RHOBTB3: variants seen among roughly 807,000 people sequenced by gnomAD.
The protein encoded by RHOBTB3 is rho-related BTB domain-containing protein 3.
A neutral mutation model predicts 67.2 loss-of-function variants in RHOBTB3; 47 were observed. The observed-to-expected ratio is 0.70, with a 90% confidence interval of 0.55 to 0.89. RHOBTB3 has a LOEUF of 0.89. Ranked by LOEUF, RHOBTB3 falls within the 40% of genes least tolerant of loss-of-function variation. RHOBTB3 has a pLI of 0.00. For synonymous variants in RHOBTB3, 273 were observed against 274.2 expected, an observed-to-expected ratio of 1.00 and a Z score of 0.04; for missense variants, 631 against 750.0, an observed-to-expected ratio of 0.84 and a Z score of 1.85.
intron 7 of RHOBTB3, among the ~76,000 whole-genome samples, chr5:95,765,571 T>C (rs1745518805): frequency 6.6e-6 from 1 of 152,252 alleles, no homozygotes; most frequent in African/African-American, 2.4e-5. Flanking sequence ...AAATCATCTC[T>C]GTGGCTTTGA....
At chr5:95,753,233 A>ATG (rs57615515) in intron 5 of RHOBTB3, among the ~76,000 whole-genome samples, 9,688 of 146,492 alleles carry the variant, frequency 0.066, 518 homozygotes, top group African/African-American at 0.14. Context: ...TGATGTGTGG[A>ATG]TGTGTGTGTG....
intron 6 of RHOBTB3, chr5:95,756,085 A>G: frequency 4.4e-6 from 1 of 225,968 alleles, no homozygotes; most frequent in Non-Finnish European, 8.7e-6. Context: ...TTGTGTAACT[A>G]TCACCACCAT....
chr5:95,776,805 C>T (rs962555283), intron 8 of RHOBTB3, among the ~76,000 whole-genome samples: 21 of 152,132 alleles, frequency 1.4e-4, no homozygotes, highest in African/African-American at 4.6e-4. Context: ...GATGTGGTCA[C>T]GGGGGTTGAG....
At chr5:95,771,425 A>G (rs1008151941) in intron 8 of RHOBTB3, among the ~76,000 whole-genome samples, 2 of 152,230 alleles carry the variant, frequency 1.3e-5, no homozygotes, top group African/African-American at 4.8e-5. Flanking sequence ...AAACTTTCCA[A>G]TGTACCTTCC....
chr5:95,743,199 G>A lies in RHOBTB3; in HGVS notation c.416-5134G>A, dbSNP rs778182644. 2.0e-5 allele frequency among the ~76,000 whole-genome samples: 3 copies of A among 152,192 alleles called. No individual in the cohort carries two copies. In the South Asian group the frequency reaches 6.2e-4, roughly 32 times the overall value. ...CATTATAAGTCGTTCTACTTGATGA[G>A]ATTTTATTTTATGGTATGGATACTT... On this transcript the variant is annotated intron_variant, in intron 3 of 11. Coordinates refer to ENST00000379982, the MANE Select transcript of RHOBTB3 (RefSeq NM_014899.4).
At chr5:95,720,957 T>C (rs1395906573) in intron 1 of RHOBTB3, among the ~76,000 whole-genome samples, 1 of 152,260 alleles carries the variant, frequency 6.6e-6, no homozygotes, top group African/African-American at 2.4e-5. Context: ...TAATGGGTTC[T>C]TCTTATGATT....
At chr5:95,753,771 AG>A (rs1423907782) in intron 5 of RHOBTB3, among the ~76,000 whole-genome samples, 17 of 152,218 alleles carry the variant, frequency 1.1e-4, no homozygotes, top group African/African-American at 3.9e-4. Flanking sequence ...AAAATATACC[AG>A]ATCCTCAGAG....
chr5:95,736,877 A>G lies in RHOBTB3; in HGVS notation c.229-12A>G, dbSNP rs79836860. ...AAGTAGACTAAAGATTGCTATTTGC[A>G]TTTTGGTTTAGGACATATTTGACAG... On this transcript the variant is annotated splice_polypyrimidine_tract_variant and intron_variant, in intron 2 of 11. Coordinates refer to ENST00000379982, the MANE Select transcript of RHOBTB3 (RefSeq NM_014899.4). 1.6e-3 allele frequency: 2,463 copies of G among 1,549,148 alleles called. 36 individuals carry two copies. The African/African-American group carries it at 0.031, about 20-fold the overall frequency.
At chr5:95,739,708 C>T (rs1755546867) in intron 3 of RHOBTB3, among the ~76,000 whole-genome samples, 1 of 152,136 alleles carries the variant, frequency 6.6e-6, no homozygotes, top group Admixed American at 6.5e-5. Flanking sequence ...CGTGCCACCA[C>T]ACCCAGCCAG....
chr5:95,720,806 T>C (rs182630029), intron 1 of RHOBTB3, among the ~76,000 whole-genome samples: 1 of 152,328 alleles, frequency 6.6e-6, no homozygotes, highest in African/African-American at 2.4e-5. Flanking sequence ...TTTTTGCCAA[T>C]ATGACAAGCA....
In RHOBTB3 at chr5:95,748,482, G is replaced by A; in HGVS notation, c.565G>A (p.Gly189Arg). The change falls in exon 4 of 12, where the codon GGA (glycine) becomes AGA (arginine). Residue 189 changes from glycine (G) to arginine (R), a missense_variant. Physicochemically the swap from Gly to Arg is moderately radical, Grantham distance 125. Transcript: ENST00000379982. ...DDFYIGKYFGGVLEYFMIQAL... is the reference protein window; with the variant it reads ...DDFYIGKYFGRVLEYFMIQAL... ...CTTCTACATAGGAAAGTATTTTGGA[G>A]GAGTGGTAAGTGGAAATTCCTGTTA... 6.2e-7 allele frequency: 1 copy of A among 1,606,866 alleles called. No homozygotes were observed. The highest frequency in any genetic ancestry group is 8.5e-7 in the Non-Finnish European group (1 of 1,176,204).
At chr5:95,752,479 C>A in intron 5 of RHOBTB3, 129 bp downstream of exon 5, 1 of 702,764 alleles carries the variant, frequency 1.4e-6, no homozygotes, top group East Asian at 2.7e-5. Flanking sequence ...ATTCAGTCAA[C>A]CTGGGATAAG....
At chr5:95,739,786 C>G (rs150010391) in intron 3 of RHOBTB3, among the ~76,000 whole-genome samples, 27 of 152,248 alleles carry the variant, frequency 1.8e-4, no homozygotes, top group African/African-American at 6.3e-4. Flanking sequence ...CTCAAGCCAT[C>G]TGCCCCCCTC....
At chr5:95,730,737 T>G (rs1031460316), upstream of RHOBTB3, 1 of 312,860 alleles carries the variant, frequency 3.2e-6, no homozygotes, top group Non-Finnish European at 6.5e-6. Flanking sequence ...TAGCTTGAAA[T>G]AGTAAATAAT....
chr5:95,730,576 GT>G (rs1755192106), upstream of RHOBTB3, among the ~76,000 whole-genome samples: 1 of 152,132 alleles, frequency 6.6e-6, no homozygotes, highest in Admixed American at 6.5e-5. Context: ...TATTAAATAT[GT>G]GGCCATAACG....
At chr5:95,733,852 A>G (rs1468890677) in intron 2 of RHOBTB3, among the ~76,000 whole-genome samples, 1 of 152,224 alleles carries the variant, frequency 6.6e-6, no homozygotes, top group Non-Finnish European at 1.5e-5. Context: ...ACGGAACCAG[A>G]ATATTAAATA....
At chr5:95,763,735 G>T in intron 7 of RHOBTB3, 115 bp downstream of exon 7, 1 of 601,650 alleles carries the variant, frequency 1.7e-6, no homozygotes, top group Non-Finnish European at 3.0e-6. Flanking sequence ...AAATGTAAAT[G>T]TTTTCCTTAA....
At chr5:95,757,851 A>G (rs533460994) in intron 6 of RHOBTB3, among the ~76,000 whole-genome samples, 2 of 152,372 alleles carry the variant, frequency 1.3e-5, no homozygotes, top group South Asian at 4.1e-4. Context: ...TCATCATATC[A>G]GTAAGCCAAA....
intron 6 of RHOBTB3, among the ~76,000 whole-genome samples, chr5:95,761,724 T>C (rs193292456): frequency 6.6e-6 from 1 of 152,310 alleles, no homozygotes; most frequent in Non-Finnish European, 1.5e-5. Flanking sequence ...TCTCATGGTA[T>C]TTTATAAAAG....
Sources: gnomAD v4.1 joint callset for allele counts (sites outside exome capture counted in the v4.1 genomes callset) on GRCh38, gnomAD v4.1.1 for gene constraint, MANE v1.5 for transcripts, NCBI Gene and HGNC (gene_info 2026-07-23, HGNC 2026-07-21) for gene names.